The following PDS5A variants were observed in gnomAD, a reference collection of about 807,000 sequenced individuals.
PDS5A encodes the protein PDS5 cohesin associated factor A, also known as sister chromatid cohesion protein PDS5 homolog A.
In PDS5A, 42 loss-of-function variants were observed where a neutral mutation model predicts 167.1. That is an observed-to-expected ratio of 0.25 (90% confidence interval 0.20 to 0.33). The LOEUF (loss-of-function observed/expected upper bound fraction) is 0.33. Ranked by LOEUF, PDS5A falls within the 10% of genes least tolerant of loss-of-function variation. The pLI is 1.00. For synonymous variants in PDS5A, 553 were observed against 554.6 expected (o/e 1.00, Z 0.04); for missense variants, 1,033 against 1,605.9 (o/e 0.64, Z 6.10).
At chr4:39,845,681 A>G in intron 29 of PDS5A, 137 bp downstream of exon 29, 3 of 974,524 alleles carry the variant, frequency 3.1e-6, no homozygotes, top group Non-Finnish European at 4.0e-6. Context: ...TGGCTGCTTT[A>G]GATGCTTTAA....
chr4:39,852,751 A>G (rs1284567366), intron 26 of PDS5A, among the ~76,000 whole-genome samples: 2 of 152,032 alleles, frequency 1.3e-5, no homozygotes, highest in Non-Finnish European at 2.9e-5. Context: ...CTCCTTGTCA[A>G]TGTTATCTAT....
At chr4:39,954,325 A>C (rs1728702073) in intron 2 of PDS5A, among the ~76,000 whole-genome samples, 1 of 152,072 alleles carries the variant, frequency 6.6e-6, no homozygotes, top group South Asian at 2.1e-4. Context: ...GTGCCACTGC[A>C]CCTCAGCCTT....
chr4:39,973,621 A>G, intron 2 of PDS5A: 2 of 1,295,906 alleles, frequency 1.5e-6, no homozygotes, highest in Non-Finnish European at 2.2e-6. Context: ...AGAAGCCACT[A>G]AAGCAGTTAC....
intron 1 of PDS5A, among the ~76,000 whole-genome samples, chr4:39,976,906 G>A (rs1731148506): frequency 6.6e-6 from 1 of 152,174 alleles, no homozygotes; most frequent in Admixed American, 6.5e-5. Context: ...CCGAGCACCA[G>A]GGTCCGAAGT....
At position 39,841,949 on chromosome 4, in the gene PDS5A, T is replaced by G; in HGVS notation, c.3656A>C (p.Lys1219Thr). 6.6e-7 allele frequency: 1 copy of G among 1,519,708 alleles called. No homozygotes were observed. Among genetic ancestry groups the G allele is most frequent in the South Asian group, 1.1e-5 (1 of 88,036 alleles). 94.1% of individuals were successfully genotyped at this position (1,519,708 alleles called of 1,614,324 possible). ...PVKNIDPVKN[K>T]EINSDQATQG... ...CACTTGTTAAATTTTAAAATTTACC[T>G]TATTCTTTACTGGGTCAATATTCTT... The change falls in exon 31 of 33, where the codon AAG (lysine) becomes ACG (threonine). Residue 1219 changes from lysine (K) to threonine (T), a missense_variant and splice_region_variant. By Grantham distance (78) the Lys-to-Thr change is moderately conservative. Transcript: ENST00000303538.
intron 6 of PDS5A, 28 bp downstream of exon 6, chr4:39,922,594 A>G (rs1310546546): frequency 6.6e-7 from 1 of 1,506,010 alleles, no homozygotes; most frequent in East Asian, 2.3e-5. Context: ...TTAAACATTA[A>G]CCTTGAATAT....
At chr4:39,867,263 GA>G (rs1203776761) in intron 22 of PDS5A, among the ~76,000 whole-genome samples, 2 of 151,446 alleles carry the variant, frequency 1.3e-5, no homozygotes, top group Non-Finnish European at 2.9e-5. Context: ...TTTTCCAACA[GA>G]TAAGGCAATT....
chr4:39,916,016 T>C (rs1325227114), intron 8 of PDS5A, among the ~76,000 whole-genome samples: 1 of 152,090 alleles, frequency 6.6e-6, no homozygotes, highest in African/African-American at 2.4e-5. Context: ...GAGAATTGCA[T>C]TAGGCCAGGA....
At chr4:39,889,071 A>G (rs1578676586) in intron 17 of PDS5A, among the ~76,000 whole-genome samples, 1 of 152,196 alleles carries the variant, frequency 6.6e-6, no homozygotes, top group East Asian at 1.9e-4. Flanking sequence ...TCTAATCCCC[A>G]GTATCTCAGA....
chr4:39,826,997 T>C (rs182756543), intron 32 of PDS5A, among the ~76,000 whole-genome samples: 2 of 152,220 alleles, frequency 1.3e-5, no homozygotes, highest in East Asian at 3.9e-4. Context: ...AACAATATGC[T>C]ATTAAAGAAT....
chr4:39,867,767 CACACA>C lies in PDS5A; in HGVS notation c.2506-775_2506-771del, dbSNP rs1461750986. ...ACACACACACACACACACACACACA[CACACA>C]CACCCCACAACTGTACTGATTGTGG... On this transcript the variant is annotated intron_variant, in intron 22 of 32. Coordinates refer to ENST00000303538, the MANE Select transcript of PDS5A (RefSeq NM_001100399.2). 7.6e-4 allele frequency among the ~76,000 whole-genome samples: 98 copies of C among 129,134 alleles called. 1 individual carries two copies. In the South Asian group the frequency reaches 0.014, roughly 19 times the overall value. 84.7% of individuals were successfully genotyped at this position (129,134 alleles called of 152,430 possible). A position where few individuals can be genotyped will look rare whatever the true frequency, so the allele number is the denominator to read the frequency against.
At chr4:39,839,848 C>A (rs906239868) in intron 31 of PDS5A, among the ~76,000 whole-genome samples, 5 of 151,664 alleles carry the variant, frequency 3.3e-5, no homozygotes, top group African/African-American at 4.9e-5. Context: ...GTAATTCCAG[C>A]ACTTTGGGAG....
intron 2 of PDS5A, among the ~76,000 whole-genome samples, chr4:39,954,191 C>A (rs6857477): frequency 0.71 from 105,749 of 149,968 alleles, 38,539 homozygotes; most frequent in Middle Eastern, 0.85. Flanking sequence ...GAAAAAAAAA[C>A]AAACAAACAG....
At chr4:39,925,694 T>C (rs1016587618) in intron 5 of PDS5A, 142 bp downstream of exon 5, 2 of 363,748 alleles carry the variant, frequency 5.5e-6, no homozygotes, top group Non-Finnish European at 1.0e-5. Context: ...ACAGAATTTT[T>C]ACTTTCCCCT....
chr4:39,943,645 A>G (rs2109771264), intron 2 of PDS5A, among the ~76,000 whole-genome samples: 1 of 151,676 alleles, frequency 6.6e-6, no homozygotes, highest in African/African-American at 2.4e-5. Context: ...AAAAAATACA[A>G]AAAATACAAA....
At position 39,949,421 on chromosome 4, in the gene PDS5A, C is replaced by T. The variant is rs190124429; in HGVS notation, c.139-21257G>A. Among the ~76,000 whole-genome samples the T allele has an allele frequency of 3.3e-5, 5 of 151,234 alleles. No individual in the cohort carries two copies. In the East Asian group the frequency reaches 5.8e-4, roughly 18 times the overall value. ...TTCCATTTATATGAAATGTCCAGAT[C>T]GGGGAAATGTACATAGACAAAAAGT... On this transcript the variant is annotated intron_variant, in intron 2 of 32. Transcript: ENST00000303538.
chr4:39,959,828 C>T (rs1170818121), intron 2 of PDS5A, among the ~76,000 whole-genome samples: 1 of 151,852 alleles, frequency 6.6e-6, no homozygotes, highest in Non-Finnish European at 1.5e-5. Flanking sequence ...TGGTGGTTCA[C>T]GCCTGTAAAC....
chr4:39,874,815 A>G (rs1720331029), intron 19 of PDS5A, among the ~76,000 whole-genome samples: 1 of 152,182 alleles, frequency 6.6e-6, no homozygotes, highest in Non-Finnish European at 1.5e-5. Flanking sequence ...AGAGTAGCAA[A>G]AGGCCAAGTT....
chr4:39,874,377 C>T lies in PDS5A; in HGVS notation c.2189G>A (p.Arg730Lys), dbSNP rs1298020531. ...CTGTTTTGCTTGGTGTGGAGTACCC[C>T]TCTTTGCTTTTTGATGTAAAATGGG... is the stretch of plus-strand genomic sequence containing the variant. ...LIPILHQKAK[R>K]GTPHQAKQAV... is the part of the protein sequence containing the mutation. The change falls in exon 20 of 33, where the codon AGG (arginine) becomes AAG (lysine). Residue 730 changes from arginine to lysine, a missense_variant. Arg to Lys is a conservative substitution (Grantham distance 26). Coordinates refer to ENST00000303538, the MANE Select transcript of PDS5A (RefSeq NM_001100399.2). 6.2e-7 allele frequency: 1 copy of T among 1,612,774 alleles called. No individual in the cohort carries two copies. The highest frequency in any genetic ancestry group is 1.3e-5 in the African/African-American group (1 of 74,894).
Sources: allele counts gnomAD v4.1 joint callset (sites outside exome capture counted in the v4.1 genomes callset), GRCh38; gene constraint gnomAD v4.1.1; transcripts MANE v1.5; gene names NCBI Gene and HGNC (gene_info 2026-07-23, HGNC 2026-07-21).